Variants in ADAMTSL3 observed in about 807,000 individuals in gnomAD.
ADAMTSL3 encodes ADAMTS-like protein 3.
Under a neutral mutation model 201.7 loss-of-function variants are expected in ADAMTSL3, and 128 were observed. The ratio of observed to expected loss-of-function variants is 0.63; its 90% CI spans 0.55 to 0.73. ADAMTSL3 has a LOEUF of 0.73. Ranked by LOEUF, ADAMTSL3 falls within the 30% of genes least tolerant of loss-of-function variation. The pLI is 0.00. For synonymous variants in ADAMTSL3, 738 were observed against 748.4 expected (o/e 0.99, Z 0.23); for missense variants, 1,990 against 2,119.6 (o/e 0.94, Z 1.20).
chr15:83,858,314 A>G (rs1248899326), intron 7 of ADAMTSL3, among the ~76,000 whole-genome samples: 3 of 152,214 alleles, frequency 2.0e-5, no homozygotes, highest in Non-Finnish European at 4.4e-5. Context: ...TTAAGGGTGT[A>G]TTTAAATGAA....
chr15:83,744,336 G>A (rs544652481), intron 3 of ADAMTSL3, among the ~76,000 whole-genome samples: 1 of 152,088 alleles, frequency 6.6e-6, no homozygotes, highest in South Asian at 2.1e-4. Flanking sequence ...ACATACTTCA[G>A]ATTCCATGAT....
chr15:83,822,650 A>C (rs1203059220), intron 6 of ADAMTSL3, among the ~76,000 whole-genome samples: 6 of 150,596 alleles, frequency 4.0e-5, no homozygotes, highest in Non-Finnish European at 7.4e-5. Flanking sequence ...GGCCGGGAAG[A>C]GGCACTCCTC....
chr15:83,660,591 A>G (rs552062984), intron 2 of ADAMTSL3, among the ~76,000 whole-genome samples: 1 of 152,292 alleles, frequency 6.6e-6, no homozygotes, highest in East Asian at 1.9e-4. Flanking sequence ...TCATTTCAGT[A>G]AGGTATAAAT....
chr15:83,903,939 A>AGGGAGGG (rs1567226085), intron 15 of ADAMTSL3, among the ~76,000 whole-genome samples: 2 of 50,642 alleles, frequency 3.9e-5, no homozygotes, highest in Non-Finnish European at 3.3e-5. Flanking sequence ...AAAAAAAAAA[A>AGGGAGGG]AAAAAGAAAA....
Position 83,787,571 on chromosome 15 carries a change from C to T in ADAMTSL3, c.317+13921C>T, listed in dbSNP as rs891254365. 8.5e-5 allele frequency among the ~76,000 whole-genome samples: 13 copies of T among 152,190 alleles called. No individual in the cohort carries two copies. The East Asian group carries it at 2.1e-3, about 25-fold the overall frequency. On this transcript the variant is annotated intron_variant, in intron 4 of 29. Transcript: ENST00000286744. ...ATATAGTTTAAAGAGCCAAATGACT[C>T]ATGTAGGCTTGAGGTGAAAAACAAC...
At chr15:83,809,763 G>A (rs1453885991) in intron 5 of ADAMTSL3, among the ~76,000 whole-genome samples, 2 of 152,140 alleles carry the variant, frequency 1.3e-5, no homozygotes, top group Non-Finnish European at 2.9e-5. Context: ...CTGAAAATCA[G>A]GAGATCTCAT....
chr15:83,804,634 T>C lies in ADAMTSL3; in HGVS notation c.318-16T>C, dbSNP rs1187057585. ...GAAATCATTATTTCTTCTTTCTTCT[T>C]TCTTTTTTCCTTTAGGAATTGTGAA... On this transcript the variant is annotated splice_polypyrimidine_tract_variant and intron_variant, in intron 4 of 29. Transcript: ENST00000286744. 1.3e-6 allele frequency: 2 copies of C among 1,524,042 alleles called. No homozygotes were observed. The highest frequency in any genetic ancestry group is 8.9e-7 in the Non-Finnish European group (1 of 1,120,260). 94.4% of individuals were successfully genotyped at this position (1,524,042 alleles called of 1,614,324 possible). A position where few individuals can be genotyped will look rare whatever the true frequency, so the allele number is the denominator to read the frequency against.
At chr15:83,841,388 G>A (rs556359254) in intron 7 of ADAMTSL3, among the ~76,000 whole-genome samples, 2 of 152,326 alleles carry the variant, frequency 1.3e-5, no homozygotes, top group African/African-American at 4.8e-5. Flanking sequence ...GGAGCCGCCA[G>A]CCTTCCAGGG....
At chr15:83,987,561 A>G (rs1046881072) in intron 21 of ADAMTSL3, among the ~76,000 whole-genome samples, 1 of 152,200 alleles carries the variant, frequency 6.6e-6, no homozygotes, top group Admixed American at 6.5e-5. Flanking sequence ...TAACTCTAGG[A>G]GTATTGGGGA....
At chr15:83,832,422 C>T (rs2064174579) in intron 6 of ADAMTSL3, among the ~76,000 whole-genome samples, 1 of 152,114 alleles carries the variant, frequency 6.6e-6, no homozygotes, top group African/African-American at 2.4e-5. Context: ...ACTGAGTAAG[C>T]CAGTTCTTTG....
At chr15:83,880,956 A>G (rs1193877622) in intron 9 of ADAMTSL3, among the ~76,000 whole-genome samples, 3 of 150,594 alleles carry the variant, frequency 2.0e-5, no homozygotes, top group Non-Finnish European at 4.4e-5. Flanking sequence ...TGTTTTTTCT[A>G]TTCTTGGTTA....
At chr15:83,771,216 C>T (rs2062978132) in intron 3 of ADAMTSL3, among the ~76,000 whole-genome samples, 1 of 147,672 alleles carries the variant, frequency 6.8e-6, no homozygotes, top group Non-Finnish European at 1.5e-5. Context: ...TATTGCTGTG[C>T]CAATTCTCTA....
At position 83,745,684 on chromosome 15, in the gene ADAMTSL3, A is replaced by T. The variant is rs192217212; in HGVS notation, c.190-27839A>T. 2.4e-3 allele frequency among the ~76,000 whole-genome samples: 359 copies of T among 152,218 alleles called. 2 individuals carry two copies. The highest frequency in any genetic ancestry group is 8.3e-3 in the African/African-American group (343 of 41,544). ...GACTGGCTAGTTCTAGCACCCATGCACTCCAGTTCCCAGTCGAGAAGGGGG... is the reference window on the plus strand; with the variant it reads ...GACTGGCTAGTTCTAGCACCCATGCTCTCCAGTTCCCAGTCGAGAAGGGGG... On this transcript the variant is annotated intron_variant, in intron 3 of 29. Coordinates refer to ENST00000286744, the MANE Select transcript of ADAMTSL3 (RefSeq NM_207517.3).
chr15:83,902,947 A>G (rs2065754929), intron 15 of ADAMTSL3, among the ~76,000 whole-genome samples: 5 of 152,174 alleles, frequency 3.3e-5, no homozygotes, highest in Admixed American at 2.6e-4. Context: ...CAGTATCAAC[A>G]ATTATCAACC....
chr15:83,943,487 G>C (rs2066601960), intron 19 of ADAMTSL3, among the ~76,000 whole-genome samples: 1 of 152,168 alleles, frequency 6.6e-6, no homozygotes, highest in South Asian at 2.1e-4. Flanking sequence ...AACTTCCTCT[G>C]TGTTCTGTCA....
intron 6 of ADAMTSL3, among the ~76,000 whole-genome samples, chr15:83,835,323 C>G (rs1366236415): frequency 6.6e-6 from 1 of 151,422 alleles, no homozygotes; most frequent in Non-Finnish European, 1.5e-5. Context: ...AAAGGCATTT[C>G]TGGCTTATTC....
chr15:83,991,257 T>A, intron 23 of ADAMTSL3, 43 bp downstream of exon 23: 1 of 1,612,292 alleles, frequency 6.2e-7, no homozygotes. Flanking sequence ...CAGTGGGAGG[T>A]AAGTGTGGCC....
chr15:83,685,940 C>A (rs921614179), intron 2 of ADAMTSL3, among the ~76,000 whole-genome samples: 7 of 152,176 alleles, frequency 4.6e-5, no homozygotes, highest in African/African-American at 1.7e-4. Flanking sequence ...CCTGTGACTT[C>A]CCCCGGTACG....
At chr15:83,954,299 G>A (rs917970833) in intron 19 of ADAMTSL3, among the ~76,000 whole-genome samples, 1 of 152,172 alleles carries the variant, frequency 6.6e-6, no homozygotes. Flanking sequence ...TCTTCTGGTT[G>A]ATCAGTTCTG....
Sources: gnomAD v4.1 joint callset for allele counts (sites outside exome capture counted in the v4.1 genomes callset) on GRCh38, gnomAD v4.1.1 for gene constraint, MANE v1.5 for transcripts, NCBI Gene and HGNC (gene_info 2026-07-23, HGNC 2026-07-21) for gene names.